The following NUP88 variants were observed in gnomAD, a reference collection of about 807,000 sequenced individuals.
NUP88 encodes nucleoporin 88, also known as nuclear pore complex protein Nup88.
Under a neutral mutation model 93.9 loss-of-function variants are expected in NUP88, and 57 were observed. That is an observed-to-expected ratio of 0.61 (90% CI 0.49 to 0.76). The LOEUF (loss-of-function observed/expected upper bound fraction) is 0.76. Among genes scored for constraint, NUP88 ranks in the 30% least tolerant of loss-of-function variants. The pLI is 0.00. For missense variants in NUP88, 911 were observed against 901.0 expected (o/e 1.01, Z -0.14); for synonymous variants, 346 against 336.8 (o/e 1.03, Z -0.30).
intron 5 of NUP88, among the ~76,000 whole-genome samples, chr17:5,407,108 A>G (rs981794647): frequency 3.9e-5 from 6 of 152,134 alleles, no homozygotes; most frequent in African/African-American, 1.4e-4. Flanking sequence ...GGCAGAGAAC[A>G]TTTCTGCCAA....
chr17:5,412,265 T>C (rs1328999220), intron 3 of NUP88, among the ~76,000 whole-genome samples: 2 of 152,140 alleles, frequency 1.3e-5, no homozygotes, highest in Non-Finnish European at 2.9e-5. Context: ...ATGTTTGTAA[T>C]GGGAAGATTT....
At chr17:5,397,709 T>C (rs1035928681) in intron 8 of NUP88, among the ~76,000 whole-genome samples, 4 of 151,240 alleles carry the variant, frequency 2.6e-5, no homozygotes, top group African/African-American at 9.7e-5. Flanking sequence ...AGAAAGCCAA[T>C]AACGGATTCA....
chr17:5,388,766 C>G, intron 11 of NUP88, 36 bp downstream of exon 11: 1 of 1,582,310 alleles, frequency 6.3e-7, no homozygotes, highest in Non-Finnish European at 8.6e-7. Flanking sequence ...CAGAAGAGAA[C>G]CCATTCATAA....
At chr17:5,400,157 A>G (rs892035468) in intron 7 of NUP88, among the ~76,000 whole-genome samples, 10 of 149,002 alleles carry the variant, frequency 6.7e-5, no homozygotes, top group African/African-American at 2.2e-4. Context: ...AAAAAAAAAA[A>G]GCACTGTGAA....
intron 10 of NUP88, among the ~76,000 whole-genome samples, chr17:5,389,214 C>G (rs1480978661): frequency 1.8e-4 from 28 of 152,194 alleles, no homozygotes; most frequent in Admixed American, 1.8e-3. Context: ...CAAGGCAGCA[C>G]AAACACCTAG....
chr17:5,406,979 T>C (rs1224518287), intron 5 of NUP88, among the ~76,000 whole-genome samples: 2 of 152,140 alleles, frequency 1.3e-5, no homozygotes, highest in African/African-American at 2.4e-5. Flanking sequence ...TTTTGGGTTT[T>C]GGGCTAACGT....
chr17:5,406,170 A>G (rs1016745714), intron 5 of NUP88, among the ~76,000 whole-genome samples: 1 of 152,236 alleles, frequency 6.6e-6, no homozygotes, highest in Non-Finnish European at 1.5e-5. Context: ...TGGTGTACAA[A>G]GGAATGACAA....
intron 8 of NUP88, among the ~76,000 whole-genome samples, chr17:5,397,350 A>AT (rs56312052): frequency 2.7e-4 from 41 of 149,682 alleles, no homozygotes; most frequent in Non-Finnish European, 3.3e-4. Context: ...TCTTAAAAGA[A>AT]TTTTTTTTTT....
At chr17:5,412,862 G>A (rs957910651) in intron 3 of NUP88, among the ~76,000 whole-genome samples, 1 of 152,148 alleles carries the variant, frequency 6.6e-6, no homozygotes, top group Non-Finnish European at 1.5e-5. Flanking sequence ...AGGAAGGAGG[G>A]GGCAGCCCAT....
intron 8 of NUP88, among the ~76,000 whole-genome samples, chr17:5,396,796 T>A (rs1912804448): frequency 6.6e-6 from 1 of 152,254 alleles, no homozygotes; most frequent in African/African-American, 2.4e-5. Context: ...CACTTGTTAA[T>A]GTCCATCTTT....
At chr17:5,393,736 T>G (rs1197218749) in intron 9 of NUP88, among the ~76,000 whole-genome samples, 2 of 152,202 alleles carry the variant, frequency 1.3e-5, no homozygotes, top group African/African-American at 4.8e-5. Context: ...GTGCCTGGTT[T>G]CACTGTTCAC....
Position 5,391,602 on chromosome 17 carries a change from G to A in NUP88, c.1443C>T (p.Ile481=). The A allele has an allele frequency of 6.2e-7, 1 of 1,614,162 alleles. No individual in the cohort carries two copies. The highest frequency in any genetic ancestry group is 1.1e-5 in the South Asian group (1 of 91,080). ...IVPDILGPTM[I]CITSTYECLI... Reference sequence around the variant, plus strand: ...GGCATTCATAGGTACTGGTGATGCAGATCATCGTGGGTCCCAGAATGTCAG... The same window carrying A: ...GGCATTCATAGGTACTGGTGATGCAAATCATCGTGGGTCCCAGAATGTCAG... Residue 481 remains isoleucine, a synonymous_variant, in exon 10 of 17, where the codon ATC becomes ATT. Coordinates refer to ENST00000573584, the MANE Select transcript of NUP88 (RefSeq NM_002532.6).
In NUP88 at chr17:5,387,599, A is replaced by C. The variant is rs1597311944; in HGVS notation, c.1835+6T>G. 7 of 1,611,536 alleles carry C rather than the reference A, an allele frequency of 4.3e-6. No individual in the cohort carries two copies. The East Asian group carries it at 1.6e-4, about 36-fold the overall frequency. ...CTATTGTATTCTTCTTATTTTTGACACTTACCTCTCTTCTCGACAATAACT... is the reference window on the plus strand; with the variant it reads ...CTATTGTATTCTTCTTATTTTTGACCCTTACCTCTCTTCTCGACAATAACT... On this transcript the variant is annotated splice_donor_region_variant and intron_variant, in intron 13 of 16. Transcript: ENST00000573584.
chr17:5,404,523 A>G (rs943371300), intron 6 of NUP88, among the ~76,000 whole-genome samples: 1 of 152,136 alleles, frequency 6.6e-6, no homozygotes, highest in Non-Finnish European at 1.5e-5. Flanking sequence ...CTGACGCAAG[A>G]GAATCGCTTG....
At chr17:5,397,344 A>C (rs995993025) in intron 8 of NUP88, among the ~76,000 whole-genome samples, 1 of 123,480 alleles carries the variant, frequency 8.1e-6, no homozygotes, top group Non-Finnish European at 1.7e-5. Context: ...TCTGTCTCTT[A>C]AAAGAATTTT....
chr17:5,414,037 C>T lies in NUP88; in HGVS notation c.565G>A (p.Val189Met), dbSNP rs1365314604. 1 of 1,613,762 alleles carries T rather than the reference C, an allele frequency of 6.2e-7. No individual in the cohort carries two copies. Among genetic ancestry groups the T allele is most frequent in the East Asian group, 2.2e-5 (1 of 44,882 alleles). ...YPSEILDPHV[V>M]LLTSDNVIRI... ...ATTACGTTGTCTGATGTTAACAGCA[C>T]TACGTGGGGATCCAGGATTTCACTT... is the stretch of plus-strand genomic sequence containing the variant. The change falls in exon 3 of 17, where the codon GTG (valine) becomes ATG (methionine). Residue 189 changes from valine (V) to methionine (M), a missense_variant. By Grantham distance (21) the Val-to-Met change is conservative. Coordinates refer to ENST00000573584, the MANE Select transcript of NUP88 (RefSeq NM_002532.6).
chr17:5,391,274 A>G (rs954362385), intron 10 of NUP88, among the ~76,000 whole-genome samples: 1 of 152,098 alleles, frequency 6.6e-6, no homozygotes. Flanking sequence ...ATTATTACTC[A>G]TATCGATAAT....
intron 6 of NUP88, 45 bp downstream of exon 6, chr17:5,405,012 T>C (rs1913411148): frequency 3.9e-6 from 6 of 1,535,014 alleles, no homozygotes; most frequent in Middle Eastern, 1.8e-4. Context: ...TCAGGAACTA[T>C]GCCAGGTGTT....
chr17:5,408,772 T>C lies in NUP88; in HGVS notation c.818A>G (p.Asn273Ser). 1 of 1,612,544 alleles carries C rather than the reference T, an allele frequency of 6.2e-7. No homozygotes were observed. Among genetic ancestry groups the C allele is most frequent in the Non-Finnish European group, 8.5e-7 (1 of 1,179,534 alleles). ...VAYPLYILYE[N>S]GETFLTYISL... Reference sequence around the variant, plus strand: ...GATGTATGTCAGGAAAGTCTCTCCATTTTCATATAAGATGTACAGTGGGTA... The same window carrying C: ...GATGTATGTCAGGAAAGTCTCTCCACTTTCATATAAGATGTACAGTGGGTA... The change falls in exon 5 of 17, where the codon AAT (asparagine) becomes AGT (serine). Residue 273 changes from asparagine to serine, a missense_variant. Asn to Ser is a conservative substitution (Grantham distance 46). Coordinates refer to ENST00000573584, the MANE Select transcript of NUP88 (RefSeq NM_002532.6).
Sources: gnomAD v4.1 joint callset for allele counts (sites outside exome capture counted in the v4.1 genomes callset) on GRCh38, gnomAD v4.1.1 for gene constraint, MANE v1.5 for transcripts, NCBI Gene and HGNC (gene_info 2026-07-23, HGNC 2026-07-21) for gene names.